NAALADL1: variants seen among roughly 807,000 people sequenced by gnomAD.
The protein encoded by NAALADL1 is aminopeptidase NAALADL1.
In NAALADL1, 77 loss-of-function variants were observed where a neutral mutation model predicts 82.8. The observed-to-expected ratio is 0.93, with a 90% CI of 0.77 to 1.12. NAALADL1 has a LOEUF of 1.12. Among genes scored for constraint, NAALADL1 ranks in the 50% most tolerant of loss-of-function variants. The probability of loss-of-function intolerance (pLI) is 0.00; values close to 1 mark genes in which losing one functional copy is unlikely to be tolerated. For synonymous variants in NAALADL1, 358 were observed against 399.2 expected, an observed-to-expected ratio of 0.90 and a Z score of 1.23; for missense variants, 956 against 964.0, an observed-to-expected ratio of 0.99 and a Z score of 0.11.
chr11:65,054,203 T>A lies in NAALADL1; in HGVS notation c.992+47A>T. ...ATCACAAGGGAAGGGGAGAGGCGAG[T>A]TGGGGGAGAGGGCAACTGAGGGAGA... On this transcript the variant is annotated intron_variant, in intron 6 of 17. Transcript: ENST00000358658. This position sits in a 1 kb window ranked among gnomAD's most constrained non-coding sequence, Gnocchi z 4.3. 6.7e-7 allele frequency: 1 copy of A among 1,503,362 alleles called. No individual in the cohort carries two copies. Among genetic ancestry groups the A allele is most frequent in the Non-Finnish European group, 9.2e-7 (1 of 1,090,118 alleles). 93.1% of individuals were successfully genotyped at this position (1,503,362 alleles called of 1,614,324 possible).
rs770328880 is a variant in NAALADL1 at position 65,047,741 on chromosome 11, G to T, written c.1417-3C>A. On this transcript the variant is annotated splice_region_variant and splice_polypyrimidine_tract_variant and intron_variant, in intron 11 of 17. Transcript: ENST00000358658. ...TCGCCAGGGCCTGGTGAGCGGATCT[G>T]GCCGGAAGGAGAATTTAGTCTCGGT... 6.3e-7 allele frequency: 1 copy of T among 1,597,118 alleles called. No homozygotes were observed. The highest frequency in any genetic ancestry group is 1.1e-5 in the South Asian group (1 of 87,732).
rs755998163 is a variant in NAALADL1 at position 65,054,619 on chromosome 11, G to A, written c.723C>T (p.Pro241=). The A allele has an allele frequency of 3.7e-6, 6 of 1,613,636 alleles. No individual in the cohort carries two copies. Among genetic ancestry groups the A allele is most frequent in the Non-Finnish European group, 4.2e-6 (5 of 1,179,752 alleles). The change falls in exon 5 of 18, where the codon CCC becomes CCT. Residue 241 remains proline (P), a synonymous_variant. Transcript: ENST00000358658. This position sits in a 1 kb window ranked among gnomAD's most constrained non-coding sequence, Gnocchi z 4.3. ...AGTAGGAGCCTCGCTCCACTCCTGAGGGGGGCAGGTACCAGGAGTTGGGAA... is the reference window on the plus strand; with the variant it reads ...AGTAGGAGCCTCGCTCCACTCCTGAAGGGGGCAGGTACCAGGAGTTGGGAA... ...ETFPNSWYLP[P]SGVERGSYYE...
At position 65,058,184 on chromosome 11, in the gene NAALADL1, C is replaced by G; in HGVS notation, c.252G>C (p.Leu84=). 1 of 1,613,828 alleles carries G rather than the reference C, an allele frequency of 6.2e-7. No individual in the cohort carries two copies. Among genetic ancestry groups the G allele is most frequent in the South Asian group, 1.1e-5 (1 of 91,082 alleles). The change falls in exon 2 of 18, where the codon CTG becomes CTC. Residue 84 remains leucine, a synonymous_variant. Coordinates refer to ENST00000358658, the MANE Select transcript of NAALADL1 (RefSeq NM_005468.3). ...PRDEDLVQLL[L]QRWKDPESGL... ...CTGACTCTGGGTCCTTCCAGCGCTG[C>G]AGCAGCAGCTGCACCAGGTCCTCAT...
upstream of NAALADL1, among the ~76,000 whole-genome samples, chr11:65,060,799 A>G (rs1044205420): frequency 5.3e-5 from 8 of 152,066 alleles, no homozygotes; most frequent in Non-Finnish European, 1.2e-4. Flanking sequence ...AACATTCTGG[A>G]TTGTGGGAGT....
In NAALADL1 at chr11:65,053,592, G is replaced by A; in HGVS notation, c.993-16C>T. The A allele has an allele frequency of 3.2e-6, 5 of 1,574,868 alleles. No homozygotes were observed. Among genetic ancestry groups the A allele is most frequent in the Non-Finnish European group, 2.6e-6 (3 of 1,158,338 alleles). ...ATTCACCTGGCTGGGGAGGGTGAAG[G>A]GTGTGAGAAGACTCTTGGCCTTGCC... On this transcript the variant is annotated splice_polypyrimidine_tract_variant and intron_variant, in intron 6 of 17. Coordinates refer to ENST00000358658, the MANE Select transcript of NAALADL1 (RefSeq NM_005468.3). This position sits in a 1 kb window ranked among gnomAD's most constrained non-coding sequence, Gnocchi z 4.3.
intron 3 of NAALADL1, 73 bp from the exon 4 acceptor site, chr11:65,057,566 G>C: frequency 6.5e-7 from 1 of 1,540,324 alleles, no homozygotes; most frequent in Non-Finnish European, 8.8e-7. Context: ...GTGGAAGTTT[G>C]CATGGCAGGA....
upstream of NAALADL1, chr11:65,058,608 C>T (rs1227208929): frequency 5.4e-6 from 7 of 1,298,226 alleles, no homozygotes; most frequent in Non-Finnish European, 7.3e-6. Flanking sequence ...AACATTACCC[C>T]ATGGGTGGCA....
chr11:65,044,901 C>G lies in NAALADL1; in HGVS notation c.*370G>C. 1 of 767,004 alleles carries G rather than the reference C, an allele frequency of 1.3e-6. No individual in the cohort carries two copies. The highest frequency in any genetic ancestry group is 2.0e-6 in the Non-Finnish European group (1 of 490,954). 47.5% of individuals were successfully genotyped at this position (767,004 alleles called of 1,614,324 possible). A position where few individuals can be genotyped will look rare whatever the true frequency, so the allele number is the denominator to read the frequency against. ...GATACACAGCATGCAGGGAGAGGAACGCAGACTAGCCAAGGCCTAAGGTAC... is the reference window on the plus strand; with the variant it reads ...GATACACAGCATGCAGGGAGAGGAAGGCAGACTAGCCAAGGCCTAAGGTAC... On this transcript the variant is annotated 3_prime_UTR_variant, in exon 18 of 18. Coordinates refer to ENST00000358658, the MANE Select transcript of NAALADL1 (RefSeq NM_005468.3). This position sits in a 1 kb window ranked among gnomAD's most constrained non-coding sequence, Gnocchi z 4.0.
At position 65,056,863 on chromosome 11, in the gene NAALADL1, A is replaced by G. The variant is rs188469787; in HGVS notation, c.603+508T>C. 4.6e-4 allele frequency among the ~76,000 whole-genome samples: 70 copies of G among 152,048 alleles called. 2 individuals carry two copies. In the East Asian group the frequency reaches 0.013, roughly 29 times the overall value. ...CTCCCCAGTAGCTGGGATTACAGGC[A>G]TGCACCACCATGTGTGGCTAATTTT... On this transcript the variant is annotated intron_variant, in intron 4 of 17. Coordinates refer to ENST00000358658, the MANE Select transcript of NAALADL1 (RefSeq NM_005468.3).
chr11:65,051,315 C>CTTTCTTTTTTT, intron 8 of NAALADL1, among the ~76,000 whole-genome samples: 1 of 59,572 alleles, frequency 1.7e-5, no homozygotes, highest in Non-Finnish European at 3.2e-5. Flanking sequence ...TTCTTTCTTT[C>CTTTCTTTTTTT]TTTTTTTTTT....
chr11:65,061,138 C>T (rs1287057938), upstream of NAALADL1, among the ~76,000 whole-genome samples: 2 of 152,188 alleles, frequency 1.3e-5, no homozygotes, highest in Admixed American at 1.3e-4. Context: ...GCACCCTTGC[C>T]CCTGGATGTG....
chr11:65,052,460 C>A (rs1283931766), intron 8 of NAALADL1, among the ~76,000 whole-genome samples: 1 of 152,182 alleles, frequency 6.6e-6, no homozygotes, highest in Admixed American at 6.5e-5. Flanking sequence ...ACTACAGGTG[C>A]ACACCACCAT....
intron 3 of NAALADL1, 73 bp downstream of exon 3, chr11:65,057,802 G>A (rs754758936): frequency 3.1e-6 from 5 of 1,593,960 alleles, no homozygotes; most frequent in Non-Finnish European, 4.3e-6. Context: ...ACGTTCCCTG[G>A]GTCAGGGTGG....
In NAALADL1 at chr11:65,058,081, T is replaced by C. The variant is rs1412444608; in HGVS notation, c.355A>G (p.Ile119Val). The C allele has an allele frequency of 5.0e-6, 8 of 1,610,518 alleles. No homozygotes were observed. Among genetic ancestry groups the C allele is most frequent in the Non-Finnish European group, 6.8e-6 (8 of 1,177,492 alleles). The change falls in exon 2 of 18, where the codon ATC becomes GTC. Residue 119 changes from isoleucine to valine, a missense_variant. Coordinates refer to ENST00000358658, the MANE Select transcript of NAALADL1 (RefSeq NM_005468.3). ...PSQEQPNVVD[I>V]VGPTGGIIHS... ...CCAAGACTGGGCAGGACCTCACCGA[T>C]GTCCACGACGTTGGGCTGCTCCTGG...
At position 65,048,345 on chromosome 11, in the gene NAALADL1, C is replaced by A; in HGVS notation, c.1239G>T (p.Trp413Cys). 6.2e-7 allele frequency: 1 copy of A among 1,614,222 alleles called. No homozygotes were observed. Among genetic ancestry groups the A allele is most frequent in the South Asian group, 1.1e-5 (1 of 91,086 alleles). Residue 413 changes from tryptophan (W) to cysteine (C), a missense_variant, in exon 9 of 18, where the codon TGG (tryptophan) becomes TGT (cysteine). Coordinates refer to ENST00000358658, the MANE Select transcript of NAALADL1 (RefSeq NM_005468.3). Reference protein sequence around the residue: ...RPRRSIVFASWGAEEFGLIGS... With the variant: ...RPRRSIVFASCGAEEFGLIGS... ...CAATGAGCCCAAACTCCTCAGCCCC[C>A]CAGCTCGCAAACACGATTGATCTGC...
Position 65,055,981 on chromosome 11 carries a change from G to A in NAALADL1, c.604-1243C>T, listed in dbSNP as rs192165435. 3.2e-4 allele frequency among the ~76,000 whole-genome samples: 48 copies of A among 151,128 alleles called. 1 individual carries two copies. The East Asian group carries it at 8.6e-3, about 27-fold the overall frequency. On this transcript the variant is annotated intron_variant, in intron 4 of 17. Coordinates refer to ENST00000358658, the MANE Select transcript of NAALADL1 (RefSeq NM_005468.3). ...GCTCACTGCAACCTCTGCCTCCTGG[G>A]TTCAAGTGATTCTGCTGCCTCAACC...
intron 4 of NAALADL1, among the ~76,000 whole-genome samples, chr11:65,055,096 A>T (rs1947002459): frequency 6.6e-6 from 1 of 152,198 alleles, no homozygotes; most frequent in Admixed American, 6.5e-5. Context: ...GCTAAACCAA[A>T]TGTGGGCTGT....
chr11:65,059,324 C>A (rs1324774713), upstream of NAALADL1, among the ~76,000 whole-genome samples: 2 of 152,190 alleles, frequency 1.3e-5, no homozygotes, highest in African/African-American at 4.8e-5. Context: ...GTGTCATTTT[C>A]ATTAAACAAT....
Position 65,045,540 on chromosome 11 carries a change from C to T in NAALADL1, c.2037-83G>A, listed in dbSNP as rs571253884. 165 of 1,406,412 alleles carry T rather than the reference C, an allele frequency of 1.2e-4. 1 individual carries two copies. The African/African-American group carries it at 1.6e-3, about 13-fold the overall frequency. The allele number at this position is 1,406,412 out of a possible 1,614,324, so 87.1% of individuals were successfully genotyped here. On this transcript the variant is annotated intron_variant, in intron 17 of 17. Coordinates refer to ENST00000358658, the MANE Select transcript of NAALADL1 (RefSeq NM_005468.3). ...GCCTGGGCCTAGAACTGGCTCAGCT[C>T]CTGTACGCAGCGAGGCAGAAAAGCA... is the stretch of plus-strand genomic sequence containing the variant.
Sources: allele counts gnomAD v4.1 joint callset (sites outside exome capture counted in the v4.1 genomes callset), GRCh38; gene constraint gnomAD v4.1.1; non-coding constraint Gnocchi (gnomAD v3.1); transcripts MANE v1.5; gene names NCBI Gene and HGNC (gene_info 2026-07-23, HGNC 2026-07-21).